Variants in HMGA1 observed in about 807,000 individuals in gnomAD.
The protein encoded by HMGA1 is high mobility group AT-hook 1, also known as high mobility group protein HMG-I/HMG-Y.
In HMGA1, 1 loss-of-function variant was observed where a neutral mutation model predicts 15.1. The ratio of observed to expected loss-of-function variants is 0.07; its 90% CI spans 0.02 to 0.31. The LOEUF is 0.31. Among genes scored for constraint, HMGA1 ranks in the 10% least tolerant of loss-of-function variants. The pLI, the probability that HMGA1 is intolerant of heterozygous loss-of-function variation, is 1.00. For missense variants in HMGA1, 94 were observed against 141.4 expected (o/e 0.66, Z 1.70); for synonymous variants, 56 against 54.8 (o/e 1.02, Z -0.10).
intron 3 of HMGA1, among the ~76,000 whole-genome samples, 153 bp from the exon 4 acceptor site, chr6:34,242,558 GA>G (rs1269629336): frequency 6.6e-6 from 1 of 152,188 alleles, no homozygotes; most frequent in African/African-American, 2.4e-5. Flanking sequence ...GCTCAAACTG[GA>G]GCTTTGGATC....
chr6:34,240,459 A>ACC (rs996701178), intron 2 of HMGA1, among the ~76,000 whole-genome samples: 1 of 143,586 alleles, frequency 7.0e-6, no homozygotes, highest in African/African-American at 2.6e-5. Context: ...ACCTCCTGGG[A>ACC]CCCCCCCCAC....
At position 34,236,875 on chromosome 6, in the gene HMGA1, T is replaced by G. The variant is rs990401220; in HGVS notation, c.-247T>G. ...GTCCCCCCTGCCCCTGGGTCGCTCTTTTTAAGCTCCCCTGAGCCGGTGCTG... is the reference window on the plus strand; with the variant it reads ...GTCCCCCCTGCCCCTGGGTCGCTCTGTTTAAGCTCCCCTGAGCCGGTGCTG... On this transcript the variant is annotated 5_prime_UTR_variant, in exon 1 of 6. Coordinates refer to ENST00000311487, the MANE Select transcript of HMGA1 (RefSeq NM_145899.3). 2 of 152,626 alleles carry G rather than the reference T, an allele frequency of 1.3e-5. No homozygotes were observed. Among genetic ancestry groups the G allele is most frequent in the Non-Finnish European group, 1.5e-5 (1 of 68,046 alleles). The allele number at this position is 152,626 out of a possible 1,614,324, so 9.5% of individuals were successfully genotyped here.
At chr6:34,243,369 C>A in intron 4 of HMGA1, 99 bp from the exon 5 acceptor site, 1 of 926,064 alleles carries the variant, frequency 1.1e-6, no homozygotes, top group Non-Finnish European at 1.7e-6. Flanking sequence ...GTTGGGTCAC[C>A]CTGAACAGGC....
At chr6:34,239,774 A>G (rs1762146510) in intron 2 of HMGA1, among the ~76,000 whole-genome samples, 1 of 152,192 alleles carries the variant, frequency 6.6e-6, no homozygotes, top group Admixed American at 6.5e-5. Flanking sequence ...CCTCCTTCCA[A>G]TGAGAAGTTT....
At chr6:34,237,476 CGCGGCGCGGGGGCGGGCGGCGGGGCCCG>C (rs1169827131) in intron 2 of HMGA1, among the ~76,000 whole-genome samples, 159 bp downstream of exon 2, 3 of 142,990 alleles carry the variant, frequency 2.1e-5, no homozygotes, top group Non-Finnish European at 4.6e-5. Context: ...GGGAGGGCCG[CGCGGCGCGGGGGCGGGCGGCGGGGCCCG>C]GCGGCGCGGG....
chr6:34,238,735 G>C (rs1762043555), intron 2 of HMGA1: 2 of 152,026 alleles, frequency 1.3e-5, no homozygotes, highest in Non-Finnish European at 2.9e-5. Flanking sequence ...TGGCCTCACT[G>C]GAAAGGGCCT....
chr6:34,237,992 C>T (rs1030854860), intron 2 of HMGA1, among the ~76,000 whole-genome samples: 2 of 152,168 alleles, frequency 1.3e-5, no homozygotes, highest in African/African-American at 2.4e-5. Context: ...ACTGGTTTCG[C>T]TGCTTTGCTG....
intron 2 of HMGA1, among the ~76,000 whole-genome samples, chr6:34,238,437 C>T (rs376283984): frequency 1.3e-5 from 2 of 152,198 alleles, no homozygotes; most frequent in South Asian, 2.1e-4. Flanking sequence ...TCTTCCTGCT[C>T]GCCAACTTGC....
chr6:34,244,774 G>C, intron 5 of HMGA1, 57 bp from the exon 6 acceptor site: 2 of 1,453,940 alleles, frequency 1.4e-6, no homozygotes, highest in Non-Finnish European at 1.9e-6. Flanking sequence ...GCCAGCCTCT[G>C]GGGGTGGAAG....
rs901289201 is a variant in HMGA1 at position 34,239,305 on chromosome 6, C to T, written c.-44-1432C>T. 4.5e-4 allele frequency among the ~76,000 whole-genome samples: 68 copies of T among 151,358 alleles called. 2 individuals are homozygous for T. The highest frequency in any genetic ancestry group is 9.9e-4 in the Admixed American group (15 of 15,194). On this transcript the variant is annotated intron_variant, in intron 2 of 5. Transcript: ENST00000311487. ...TCTTTTAAATTAGACATGGGAGTCCCACCGTATTGTCCAGGCTGGTCTCGA... is the reference window on the plus strand; with the variant it reads ...TCTTTTAAATTAGACATGGGAGTCCTACCGTATTGTCCAGGCTGGTCTCGA...
At position 34,245,118 on chromosome 6, in the gene HMGA1, C is replaced by T. The variant is rs1581816733; in HGVS notation, c.*234C>T. On this transcript the variant is annotated 3_prime_UTR_variant, in exon 6 of 6. Coordinates refer to ENST00000311487, the MANE Select transcript of HMGA1 (RefSeq NM_145899.3). Reference sequence around the variant, plus strand: ...GTTTTCCCCTGGCCTCAGTTCCCAGCTCCCCCCGCCCACCCACGCATACAC... The same window carrying T: ...GTTTTCCCCTGGCCTCAGTTCCCAGTTCCCCCCGCCCACCCACGCATACAC... 1 of 1,504,646 alleles carries T rather than the reference C, an allele frequency of 6.6e-7. No homozygotes were observed. Among genetic ancestry groups the T allele is most frequent in the East Asian group, 2.6e-5 (1 of 38,996 alleles). The allele number at this position is 1,504,646 out of a possible 1,614,324, so 93.2% of individuals were successfully genotyped here. A position where few individuals can be genotyped will look rare whatever the true frequency, so the allele number is the denominator to read the frequency against.
intron 5 of HMGA1, among the ~76,000 whole-genome samples, chr6:34,243,803 C>T (rs759834788): frequency 6.6e-6 from 1 of 152,108 alleles, no homozygotes; most frequent in African/African-American, 2.4e-5. Context: ...CTCAGAACTT[C>T]TAGGGGAGAT....
chr6:34,238,678 G>A lies in HMGA1; in HGVS notation c.-45+1361G>A, dbSNP rs1762038038. On this transcript the variant is annotated intron_variant, in intron 2 of 5. Transcript: ENST00000311487. ...TAGGCCCTAAATGTAGTTCCTCCAA[G>A]ACAGGCCTCTGATGTTCAGAAACAG... The A allele has an allele frequency of 2.0e-5, 3 of 152,250 alleles. No individual in the cohort carries two copies. In the South Asian group the frequency reaches 6.2e-4, roughly 32 times the overall value. The allele number at this position is 152,250 out of a possible 1,614,324, so 9.4% of individuals were successfully genotyped here.
chr6:34,244,850 G>T lies in HMGA1; in HGVS notation c.290G>T (p.Gly97Val). ...PKKLEKEEEE[G>V]ISQESSEEEQ ...TCACAGGAGAAGGAGGAAGAGGAGGGCATCTCGCAGGAGTCCTCGGAGGAG... is the reference window on the plus strand; with the variant it reads ...TCACAGGAGAAGGAGGAAGAGGAGGTCATCTCGCAGGAGTCCTCGGAGGAG... Residue 97 changes from glycine (G) to valine (V), a missense_variant, in exon 6 of 6, where the codon GGC becomes GTC. Transcript: ENST00000311487. 1 of 1,571,126 alleles carries T rather than the reference G, an allele frequency of 6.4e-7. No homozygotes were observed. Among genetic ancestry groups the T allele is most frequent in the Admixed American group, 1.9e-5 (1 of 53,410 alleles).
chr6:34,239,238 C>T (rs1247084345), intron 2 of HMGA1, among the ~76,000 whole-genome samples: 1 of 151,406 alleles, frequency 6.6e-6, no homozygotes, highest in African/African-American at 2.4e-5. Flanking sequence ...ATGTTTTTTT[C>T]CTCTCATTGG....
In HMGA1 at chr6:34,245,166, A is replaced by G; in HGVS notation, c.*282A>G. On this transcript the variant is annotated 3_prime_UTR_variant, in exon 6 of 6. Coordinates refer to ENST00000311487, the MANE Select transcript of HMGA1 (RefSeq NM_145899.3). ...CACACATGCCCTCCTGGACAAGGCT[A>G]ACATCCCACTTAGCCGCACCCTGCA... is the stretch of plus-strand genomic sequence containing the variant. The G allele has an allele frequency of 6.8e-7, 1 of 1,461,548 alleles. No individual in the cohort carries two copies. The highest frequency in any genetic ancestry group is 9.1e-7 in the Non-Finnish European group (1 of 1,099,468). The allele number at this position is 1,461,548 out of a possible 1,614,324, so 90.5% of individuals were successfully genotyped here.
chr6:34,242,672 A>G (rs1010678883), intron 3 of HMGA1, 40 bp from the exon 4 acceptor site: 2 of 1,390,134 alleles, frequency 1.4e-6, no homozygotes, highest in Non-Finnish European at 2.0e-6. Flanking sequence ...GGGTGGAAAC[A>G]GGTGATGACT....
At chr6:34,243,904 A>G (rs970241247) in intron 5 of HMGA1, among the ~76,000 whole-genome samples, 1 of 152,164 alleles carries the variant, frequency 6.6e-6, no homozygotes, top group African/African-American at 2.4e-5. Context: ...GAGCCTCTGC[A>G]GAAGAGAAAC....
chr6:34,244,156 G>T (rs1227499351), intron 5 of HMGA1, among the ~76,000 whole-genome samples: 1 of 150,996 alleles, frequency 6.6e-6, no homozygotes, highest in Non-Finnish European at 1.5e-5. Context: ...CATTCCTTGA[G>T]CTGAGCCACT....
Sources: gnomAD v4.1 joint callset for allele counts (sites outside exome capture counted in the v4.1 genomes callset) on GRCh38, gnomAD v4.1.1 for gene constraint, MANE v1.5 for transcripts, NCBI Gene and HGNC (gene_info 2026-07-23, HGNC 2026-07-21) for gene names.